Variants in NTSR2 observed in about 807,000 individuals in gnomAD.
NTSR2 encodes neurotensin receptor 2.
NTSR2 carries 22 observed loss-of-function variants against 24.1 expected under a neutral mutation model. The ratio of observed to expected loss-of-function variants is 0.91; its 90% CI spans 0.65 to 1.30. NTSR2 has a LOEUF of 1.30. Ranked by LOEUF, NTSR2 falls within the 50% of genes most tolerant of loss-of-function variation. The probability of loss-of-function intolerance (pLI) is 0.00; values close to 1 mark genes in which losing one functional copy is unlikely to be tolerated. For synonymous variants in NTSR2, 291 were observed against 267.0 expected (o/e 1.09, Z -0.88); for missense variants, 570 against 570.4 (o/e 1.00, Z 0.01).
chr2:11,661,331 A>T (rs1407307360), intron 2 of NTSR2, among the ~76,000 whole-genome samples: 2 of 152,194 alleles, frequency 1.3e-5, no homozygotes, highest in Non-Finnish European at 2.9e-5. Flanking sequence ...TCATGTGCTG[A>T]CTTTGTGTTA....
chr2:11,668,663 T>C (rs549423277), intron 1 of NTSR2, among the ~76,000 whole-genome samples: 6 of 152,222 alleles, frequency 3.9e-5, no homozygotes, highest in African/African-American at 1.4e-4. Flanking sequence ...ACTTCCCCAA[T>C]GTGCTGGATA....
intron 1 of NTSR2, among the ~76,000 whole-genome samples, chr2:11,665,083 T>A (rs200509111): frequency 7.6e-5 from 7 of 92,222 alleles, no homozygotes; most frequent in East Asian, 5.8e-4. Context: ...TTTTTTTTTT[T>A]CCAAGCTTGT....
Position 11,670,081 on chromosome 2 carries a change from G to C in NTSR2, c.49C>G (p.Leu17Val). 6.9e-7 allele frequency: 1 copy of C among 1,445,766 alleles called. No individual in the cohort carries two copies. The highest frequency in any genetic ancestry group is 9.0e-7 in the Non-Finnish European group (1 of 1,108,398). 89.6% of individuals were successfully genotyped at this position (1,445,766 alleles called of 1,614,324 possible). The part of the protein sequence containing the change: ...RPPRPSSNPG[L>V]SLDARLGVDT... ...ACGCCCAGCCGGGCGTCCAGGCTCAGCCCCGGGTTGGAGCTGGGCCGCGGG... is the reference window on the plus strand; with the variant it reads ...ACGCCCAGCCGGGCGTCCAGGCTCACCCCCGGGTTGGAGCTGGGCCGCGGG... The change falls in exon 1 of 4, where the codon CTG (leucine) becomes GTG (valine). Residue 17 changes from leucine (L) to valine (V), a missense_variant. Leu to Val is a conservative substitution (Grantham distance 32). Coordinates refer to ENST00000306928, the MANE Select transcript of NTSR2 (RefSeq NM_012344.4).
chr2:11,664,181 A>G (rs1375175080), intron 1 of NTSR2, among the ~76,000 whole-genome samples: 1 of 150,086 alleles, frequency 6.7e-6, no homozygotes, highest in African/African-American at 2.5e-5. Flanking sequence ...CGGTAGTGCA[A>G]TCACAACTTA....
At chr2:11,669,460 G>GGCCGGGGGGGCGCCCCCCCCCCCCCCCCC in intron 1 of NTSR2, 46 bp downstream of exon 1, 1 of 254,726 alleles carries the variant, frequency 3.9e-6, no homozygotes, top group Non-Finnish European at 6.9e-6. Flanking sequence ...TCCCAGCACC[G>GGCCGGGGGGGCGCCCCCCCCCCCCCCCCC]CCCCCCCACC....
chr2:11,662,015 T>C lies in NTSR2; in HGVS notation c.850A>G (p.Lys284Glu), dbSNP rs1397497795. 1.9e-6 allele frequency: 3 copies of C among 1,612,584 alleles called. No homozygotes were observed. Among genetic ancestry groups the C allele is most frequent in the South Asian group, 1.1e-5 (1 of 90,872 alleles). ...AGGCTGCGGATCCGGCGCACGTCTTTATGTCTCACCAGGCTGACCTGGCCT... is the reference window on the plus strand; with the variant it reads ...AGGCTGCGGATCCGGCGCACGTCTTCATGTCTCACCAGGCTGACCTGGCCT... ...QGGQVSLVRH[K>E]DVRRIRSLQR... The change falls in exon 2 of 4, where the codon AAA (lysine) becomes GAA (glutamate). Residue 284 changes from lysine (K) to glutamate (E), a missense_variant. By Grantham distance (56) the Lys-to-Glu change is moderately conservative. Coordinates refer to ENST00000306928, the MANE Select transcript of NTSR2 (RefSeq NM_012344.4).
At chr2:11,665,310 C>T (rs184972514) in intron 1 of NTSR2, 5 of 152,002 alleles carry the variant, frequency 3.3e-5, no homozygotes, top group Admixed American at 3.3e-4. Context: ...GTACCTGCTG[C>T]TCTGTGCTTA....
chr2:11,664,860 G>A (rs967881853), intron 1 of NTSR2, among the ~76,000 whole-genome samples: 1 of 152,070 alleles, frequency 6.6e-6, no homozygotes, highest in Admixed American at 6.6e-5. Flanking sequence ...CCTAATTTGA[G>A]TCTGGTTATT....
At chr2:11,667,742 C>T (rs1470736988) in intron 1 of NTSR2, among the ~76,000 whole-genome samples, 1 of 152,236 alleles carries the variant, frequency 6.6e-6, no homozygotes, top group African/African-American at 2.4e-5. Flanking sequence ...TTCTCTCCCT[C>T]TCTCCAGGCC....
intron 3 of NTSR2, 118 bp downstream of exon 3, chr2:11,659,925 C>T (rs758788231): frequency 3.9e-5 from 28 of 714,052 alleles, no homozygotes; most frequent in Non-Finnish European, 5.3e-5. Flanking sequence ...AGGTGGAATG[C>T]GGTCCAGGAT....
intron 1 of NTSR2, among the ~76,000 whole-genome samples, chr2:11,664,591 C>T (rs571934763): frequency 9.9e-5 from 15 of 152,160 alleles, no homozygotes; most frequent in East Asian, 7.7e-4. Flanking sequence ...AGTTTGTTGA[C>T]GAACCAAACA....
Position 11,658,708 on chromosome 2 carries a change from A to G in NTSR2, c.1004T>C (p.Phe335Ser), listed in dbSNP as rs781085816. ...DDAWTDPLYN[F>S]YHYFYMVTNT... Reference sequence around the variant, plus strand: ...GGTCACCATGTAGAAGTAGTGGTAGAAATTGTACAGTGGGCTGCAAGAGAA... The same window carrying G: ...GGTCACCATGTAGAAGTAGTGGTAGGAATTGTACAGTGGGCTGCAAGAGAA... Residue 335 changes from phenylalanine to serine, a missense_variant, in exon 4 of 4, where the codon TTC (phenylalanine) becomes TCC (serine). Phe to Ser is a radical substitution (Grantham distance 155). Transcript: ENST00000306928. 2 of 1,614,128 alleles carry G rather than the reference A, an allele frequency of 1.2e-6. No individual in the cohort carries two copies. Among genetic ancestry groups the G allele is most frequent in the Non-Finnish European group, 8.5e-7 (1 of 1,180,002 alleles).
intron 1 of NTSR2, among the ~76,000 whole-genome samples, chr2:11,663,952 C>T (rs894910682): frequency 6.6e-6 from 1 of 152,056 alleles, no homozygotes; most frequent in African/African-American, 2.4e-5. Flanking sequence ...CCATCACACA[C>T]CTTGGGTTAT....
intron 1 of NTSR2, among the ~76,000 whole-genome samples, chr2:11,667,497 A>G (rs1190774300): frequency 6.6e-6 from 1 of 152,090 alleles, no homozygotes; most frequent in African/African-American, 2.4e-5. Context: ...CAGGCATGCC[A>G]CCATGCCCAG....
In NTSR2 at chr2:11,670,087, G is replaced by A. The variant is rs1484113232; in HGVS notation, c.43C>T (p.Pro15Ser). The A allele has an allele frequency of 7.0e-7, 1 of 1,436,038 alleles. No individual in the cohort carries two copies. The allele number at this position is 1,436,038 out of a possible 1,614,324, so 89.0% of individuals were successfully genotyped here. Residue 15 changes from proline to serine, a missense_variant, in exon 1 of 4, where the codon CCG becomes TCG. By Grantham distance (74) the Pro-to-Ser change is moderately conservative. Transcript: ENST00000306928. ...AGCCGGGCGTCCAGGCTCAGCCCCG[G>A]GTTGGAGCTGGGCCGCGGGGGCCGC... ...SPRPPRPSSN[P>S]GLSLDARLGV...
chr2:11,663,122 G>T (rs1245195735), intron 1 of NTSR2, among the ~76,000 whole-genome samples: 1 of 152,144 alleles, frequency 6.6e-6, no homozygotes, highest in African/African-American at 2.4e-5. Context: ...GAGGATAAAA[G>T]AAAACAATTT....
At chr2:11,659,044 G>A (rs1457964336) in intron 3 of NTSR2, among the ~76,000 whole-genome samples, 2 of 152,062 alleles carry the variant, frequency 1.3e-5, no homozygotes, top group Non-Finnish European at 2.9e-5. Flanking sequence ...GTAGAGACGC[G>A]GTTTCACCAT....
intron 1 of NTSR2, among the ~76,000 whole-genome samples, chr2:11,668,178 C>A (rs946332681): frequency 2.0e-5 from 3 of 152,218 alleles, no homozygotes; most frequent in African/African-American, 7.2e-5. Flanking sequence ...TAAGACGTTG[C>A]CTGCTTCATG....
intron 2 of NTSR2, among the ~76,000 whole-genome samples, chr2:11,661,116 T>C (rs1295607508): frequency 6.6e-6 from 1 of 152,114 alleles, no homozygotes; most frequent in African/African-American, 2.4e-5. Context: ...AGAAGCCTGG[T>C]AGAAGTGCAG....
Sources: allele counts gnomAD v4.1 joint callset (sites outside exome capture counted in the v4.1 genomes callset), GRCh38; gene constraint gnomAD v4.1.1; transcripts MANE v1.5; gene names NCBI Gene and HGNC (gene_info 2026-07-23, HGNC 2026-07-21).